Variants in USPL1 observed in about 807,000 individuals in gnomAD.
USPL1 encodes SUMO-specific isopeptidase USPL1.
USPL1 carries 27 observed loss-of-function variants against 51.5 expected under a neutral mutation model. That is an observed-to-expected ratio of 0.52 (90% CI 0.39 to 0.72). The LOEUF is 0.72. Ranked by LOEUF, USPL1 falls within the 30% of genes least tolerant of loss-of-function variation. The probability of loss-of-function intolerance (pLI) is 0.00; values close to 1 mark genes in which losing one functional copy is unlikely to be tolerated. For missense variants in USPL1, 1,226 were observed against 1,268.0 expected, an observed-to-expected ratio of 0.97 and a Z score of 0.50; for synonymous variants, 451 against 459.6, an observed-to-expected ratio of 0.98 and a Z score of 0.24.
intron 1 of USPL1, among the ~76,000 whole-genome samples, chr13:30,619,019 C>A (rs958134552): frequency 6.6e-6 from 1 of 152,134 alleles, no homozygotes; most frequent in African/African-American, 2.4e-5. Flanking sequence ...TGGTGACTTA[C>A]TGTGCGAAGA....
chr13:30,657,995 T>A lies in USPL1; in HGVS notation c.1918T>A (p.Cys640Ser), dbSNP rs756241568. ...SLMASSVSAP[C>S]NEKLIQDQFV... ...AATGGCTTCTTCAGTATCAGCTCCA[T>A]GTAATGAAAAGCTTATTCAAGACCA... The change falls in exon 9 of 9, where the codon TGT becomes AGT. Residue 640 changes from cysteine to serine, a missense_variant. Physicochemically the swap from Cys to Ser is moderately radical, Grantham distance 112. Coordinates refer to ENST00000255304, the MANE Select transcript of USPL1 (RefSeq NM_005800.5). 1.2e-6 allele frequency: 2 copies of A among 1,613,498 alleles called. No individual in the cohort carries two copies.
At chr13:30,647,121 G>A (rs1045241344) in intron 7 of USPL1, 64 bp downstream of exon 7, 2 of 1,502,932 alleles carry the variant, frequency 1.3e-6, no homozygotes, top group Non-Finnish European at 1.8e-6. Context: ...TTTTCTTAAT[G>A]TGTAGGATTG....
chr13:30,640,975 A>G (rs1316191395), intron 5 of USPL1, among the ~76,000 whole-genome samples: 1 of 152,222 alleles, frequency 6.6e-6, no homozygotes, highest in Middle Eastern at 3.2e-3. Flanking sequence ...ATTGTAGGGC[A>G]GAGCTGTTCC....
rs369560968 is a variant in USPL1 at position 30,659,180 on chromosome 13, T to G, written c.3103T>G (p.Cys1035Gly). 6.2e-7 allele frequency: 1 copy of G among 1,613,742 alleles called. No individual in the cohort carries two copies. The highest frequency in any genetic ancestry group is 8.5e-7 in the Non-Finnish European group (1 of 1,179,956). The change falls in exon 9 of 9, where the codon TGT becomes GGT. Residue 1035 changes from cysteine (C) to glycine (G), a missense_variant. Physicochemically the swap from Cys to Gly is radical, Grantham distance 159. Transcript: ENST00000255304. ...NYCSPTKKNP[C>G]EVQPDSLTNN... ...TTGTAGCCCCACCAAGAAAAATCCA[T>G]GTGAAGTTCAGCCAGACTCTCTGAC...
intron 3 of USPL1, among the ~76,000 whole-genome samples, chr13:30,627,952 G>A (rs1192305882): frequency 1.3e-5 from 2 of 151,100 alleles, no homozygotes; most frequent in East Asian, 3.9e-4. Context: ...ATCTCGGCTC[G>A]CTGCAACTTC....
intron 6 of USPL1, among the ~76,000 whole-genome samples, chr13:30,644,787 A>G (rs1292340920): frequency 1.3e-5 from 2 of 152,232 alleles, no homozygotes; most frequent in Non-Finnish European, 2.9e-5. Flanking sequence ...ATTGGGTCAG[A>G]TAAATTTTCA....
Position 30,657,733 on chromosome 13 carries a change from T to C in USPL1, c.1656T>C (p.Asp552=), listed in dbSNP as rs1301186428. ...AETASVTHPK[D]ISVAPRTLSQ... is the part of the protein sequence containing the mutation. ...CAGCCTCAGTAACTCACCCTAAAGA[T>C]ATATCAGTTGCCCCTCGTACTCTTT... is the stretch of plus-strand genomic sequence containing the variant. The change falls in exon 9 of 9, where the codon GAT becomes GAC. Residue 552 remains aspartate (D), a synonymous_variant. Coordinates refer to ENST00000255304, the MANE Select transcript of USPL1 (RefSeq NM_005800.5). The C allele has an allele frequency of 6.2e-7, 1 of 1,614,102 alleles. No homozygotes were observed. The highest frequency in any genetic ancestry group is 1.3e-5 in the African/African-American group (1 of 74,938).
At chr13:30,623,635 A>T (rs1159531238) in intron 3 of USPL1, among the ~76,000 whole-genome samples, 1 of 152,224 alleles carries the variant, frequency 6.6e-6, no homozygotes, top group Non-Finnish European at 1.5e-5. Flanking sequence ...CGGGGTTCAT[A>T]CTATTGTGGT....
At position 30,657,579 on chromosome 13, in the gene USPL1, T is replaced by C. The variant is rs1264953012; in HGVS notation, c.1502T>C (p.Ile501Thr). The C allele has an allele frequency of 3.1e-6, 5 of 1,614,144 alleles. No homozygotes were observed. The highest frequency in any genetic ancestry group is 1.7e-5 in the Admixed American group (1 of 60,016). The change falls in exon 9 of 9, where the codon ATA (isoleucine) becomes ACA (threonine). Residue 501 changes from isoleucine to threonine, a missense_variant. Transcript: ENST00000255304. ...CATATTGTTATTTGGGAAAGAAAAA[T>C]ATCCCAAGTGACAGATAAAGAAGCT... Reference protein sequence around the residue: ...EIHIVIWERKISQVTDKEAAC... With the variant: ...EIHIVIWERKTSQVTDKEAAC...
chr13:30,648,018 A>G (rs1593386534), intron 7 of USPL1, among the ~76,000 whole-genome samples: 1 of 152,260 alleles, frequency 6.6e-6, no homozygotes, highest in East Asian at 1.9e-4. Context: ...CTTTTATAGT[A>G]ATTGAGACTA....
In USPL1 at chr13:30,647,120, T is replaced by A. The variant is rs946475346; in HGVS notation, c.1238+63T>A. 7.3e-6 allele frequency: 11 copies of A among 1,504,164 alleles called. No homozygotes were observed. In the African/African-American group the frequency reaches 9.7e-5, roughly 13 times the overall value. 93.2% of individuals were successfully genotyped at this position (1,504,164 alleles called of 1,614,324 possible). A position where few individuals can be genotyped will look rare whatever the true frequency, so the allele number is the denominator to read the frequency against. ...GAAGGTGGATTTACATTTTTCTTAA[T>A]GTGTAGGATTGAAAATGGTGACAAC... On this transcript the variant is annotated intron_variant, in intron 7 of 8. Coordinates refer to ENST00000255304, the MANE Select transcript of USPL1 (RefSeq NM_005800.5).
Position 30,658,526 on chromosome 13 carries a change from A to G in USPL1, c.2449A>G (p.Lys817Glu). The change falls in exon 9 of 9, where the codon AAG becomes GAG. Residue 817 changes from lysine to glutamate, a missense_variant. Physicochemically the swap from Lys to Glu is moderately conservative, Grantham distance 56. Transcript: ENST00000255304. The stretch of plus-strand genomic sequence containing the variant: ...CAGCCACGTATCCAAGAAAGCTCGT[A>G]AGAGTGCAAGTAAGCCTCCTCCCAT... Reference protein sequence around the residue: ...KASHVSKKARKSASKPPPISK... With the variant: ...KASHVSKKARESASKPPPISK... The G allele has an allele frequency of 6.2e-7, 1 of 1,614,098 alleles. No homozygotes were observed. Among genetic ancestry groups the G allele is most frequent in the Non-Finnish European group, 8.5e-7 (1 of 1,180,010 alleles).
At position 30,645,158 on chromosome 13, in the gene USPL1, C is replaced by T. The variant is rs1411615370; in HGVS notation, c.1113-1774C>T. 2.6e-5 allele frequency among the ~76,000 whole-genome samples: 4 copies of T among 152,314 alleles called. No individual in the cohort carries two copies. In the South Asian group the frequency reaches 8.3e-4, roughly 32 times the overall value. ...TGCTCACTGTGGTATACTCCTTAAT[C>T]ACTACCTGGGTTTTAAATAATATAA... is the stretch of plus-strand genomic sequence containing the variant. On this transcript the variant is annotated intron_variant, in intron 6 of 8. Transcript: ENST00000255304.
intron 3 of USPL1, among the ~76,000 whole-genome samples, chr13:30,624,451 C>CA (rs35898880): frequency 1.3e-3 from 196 of 146,198 alleles, no homozygotes; most frequent in African/African-American, 3.9e-3. Flanking sequence ...CTTGTCTCTA[C>CA]AAAAAAAAAA....
chr13:30,624,543 C>G (rs1461217906), intron 3 of USPL1, among the ~76,000 whole-genome samples: 1 of 152,106 alleles, frequency 6.6e-6, no homozygotes, highest in East Asian at 1.9e-4. Context: ...GGCACCATGC[C>G]CAGGAGGTCC....
At chr13:30,626,762 C>G (rs139472899) in intron 3 of USPL1, among the ~76,000 whole-genome samples, 5 of 152,070 alleles carry the variant, frequency 3.3e-5, no homozygotes, top group East Asian at 1.9e-4. Context: ...TTGAAACTCT[C>G]AAGTGTTTTT....
intron 3 of USPL1, among the ~76,000 whole-genome samples, chr13:30,623,590 GT>G (rs1435311698): frequency 6.6e-6 from 1 of 152,202 alleles, no homozygotes; most frequent in Non-Finnish European, 1.5e-5. Flanking sequence ...TGATAAGAGT[GT>G]CCTGTTATTC....
intron 6 of USPL1, among the ~76,000 whole-genome samples, chr13:30,643,468 GC>G (rs1420796973): frequency 2.0e-5 from 3 of 152,136 alleles, no homozygotes; most frequent in African/African-American, 7.2e-5. Flanking sequence ...AGTCAGGGAG[GC>G]AAGGTATTCC....
chr13:30,649,969 A>T (rs1951067754), intron 7 of USPL1, among the ~76,000 whole-genome samples: 1 of 152,342 alleles, frequency 6.6e-6, no homozygotes, highest in East Asian at 1.9e-4. Context: ...TCTGAGCATC[A>T]TCCTTCACTG....
Sources: gnomAD v4.1 joint callset for allele counts (sites outside exome capture counted in the v4.1 genomes callset) on GRCh38, gnomAD v4.1.1 for gene constraint, MANE v1.5 for transcripts, NCBI Gene and HGNC (gene_info 2026-07-23, HGNC 2026-07-21) for gene names.